Variants in CPNE4 observed in about 807,000 individuals in gnomAD.
CPNE4 encodes copine-4.
CPNE4 carries 25 observed loss-of-function variants against 67.9 expected under a neutral mutation model. That is an observed-to-expected ratio of 0.37 (90% CI 0.27 to 0.51). CPNE4 has a LOEUF of 0.51. CPNE4 is among the 20% of genes least tolerant of loss of function. The pLI is 0.93. For missense variants in CPNE4, 464 were observed against 690.8 expected (o/e 0.67, Z 3.68); for synonymous variants, 242 against 244.9 (o/e 0.99, Z 0.11).
chr3:131,683,096 C>A (rs913005287), intron 6 of CPNE4, among the ~76,000 whole-genome samples: 2 of 152,090 alleles, frequency 1.3e-5, no homozygotes, highest in South Asian at 4.2e-4. Context: ...AGTCTTTAAT[C>A]GGGGACCCCA....
chr3:131,748,255 A>C (rs952816614), intron 2 of CPNE4, among the ~76,000 whole-genome samples: 1 of 152,064 alleles, frequency 6.6e-6, no homozygotes, highest in Non-Finnish European at 1.5e-5. Context: ...ATTTTAAACC[A>C]ATCTTTGGTT....
chr3:131,987,935 G>C (rs935924242), intron 1 of CPNE4, among the ~76,000 whole-genome samples: 8 of 152,158 alleles, frequency 5.3e-5, no homozygotes, highest in African/African-American at 1.9e-4. Flanking sequence ...CAGGGCTGTT[G>C]AATATTAGGT....
At chr3:131,931,559 C>G (rs1409648644) in intron 1 of CPNE4, among the ~76,000 whole-genome samples, 1 of 152,066 alleles carries the variant, frequency 6.6e-6, no homozygotes, top group Non-Finnish European at 1.5e-5. Flanking sequence ...GGTATCCTTA[C>G]CTAATTGCAA....
intron 1 of CPNE4, among the ~76,000 whole-genome samples, chr3:132,032,139 T>C (rs1327326178): frequency 1.3e-5 from 2 of 152,162 alleles, no homozygotes; most frequent in Non-Finnish European, 2.9e-5. Context: ...AAACAGGAAG[T>C]CTTTTAATTT....
chr3:131,860,116 T>C (rs1163280952), intron 2 of CPNE4, among the ~76,000 whole-genome samples: 27 of 152,318 alleles, frequency 1.8e-4, no homozygotes, highest in Non-Finnish European at 7.4e-5. Flanking sequence ...CTTTGGTCTT[T>C]AACTGTCATC....
chr3:131,811,590 G>C (rs1373008337), intron 2 of CPNE4, among the ~76,000 whole-genome samples: 1 of 151,990 alleles, frequency 6.6e-6, no homozygotes, highest in Non-Finnish European at 1.5e-5. Context: ...TTTTCCTTCT[G>C]TCCCAACCCT....
chr3:131,937,591 A>G (rs2071261124), intron 1 of CPNE4, among the ~76,000 whole-genome samples: 1 of 152,180 alleles, frequency 6.6e-6, no homozygotes, highest in Non-Finnish European at 1.5e-5. Context: ...AACTCTTCAA[A>G]TAAGACCAAA....
intron 1 of CPNE4, among the ~76,000 whole-genome samples, chr3:131,944,613 T>A (rs1010495691): frequency 2.6e-5 from 4 of 151,670 alleles, no homozygotes; most frequent in African/African-American, 9.7e-5. Flanking sequence ...TCCCTACAGA[T>A]GACTGCAAAA....
intron 2 of CPNE4, among the ~76,000 whole-genome samples, chr3:131,863,341 C>A (rs1416480978): frequency 1.3e-5 from 2 of 152,058 alleles, no homozygotes; most frequent in Non-Finnish European, 2.9e-5. Flanking sequence ...TAAAAGTGTT[C>A]CTATTTCTCC....
chr3:131,646,189 G>A (rs558777785), intron 7 of CPNE4, among the ~76,000 whole-genome samples: 1 of 152,222 alleles, frequency 6.6e-6, no homozygotes, highest in South Asian at 2.1e-4. Flanking sequence ...AACATACAAT[G>A]TACCAAGAAT....
At chr3:131,592,960 A>G (rs1938626019) in intron 7 of CPNE4, among the ~76,000 whole-genome samples, 4 of 152,060 alleles carry the variant, frequency 2.6e-5, no homozygotes, top group Admixed American at 2.6e-4. Flanking sequence ...TTGTTTTATG[A>G]TTGCCTTGAA....
chr3:131,975,143 G>A (rs911413178), intron 1 of CPNE4, among the ~76,000 whole-genome samples: 1 of 152,122 alleles, frequency 6.6e-6, no homozygotes, highest in Non-Finnish European at 1.5e-5. Flanking sequence ...CAGGGGAGTT[G>A]GCAAAACCTA....
intron 2 of CPNE4, among the ~76,000 whole-genome samples, chr3:131,779,646 A>G (rs2083383827): frequency 6.6e-6 from 1 of 152,150 alleles, no homozygotes; most frequent in African/African-American, 2.4e-5. Context: ...GAAGATTGAA[A>G]CTGGACCCTT....
rs763485599 is a variant in CPNE4 at position 131,905,330 on chromosome 3, T to C, written c.114A>G (p.Arg38=). The change falls in exon 2 of 16, where the codon AGA becomes AGG. Residue 38 remains arginine (R), a synonymous_variant. Coordinates refer to ENST00000429747, the MANE Select transcript of CPNE4 (RefSeq NM_130808.3). ...AGGGGTCTGGTTTGGAAAGGGCATC[T>C]CTGTCAGAAATGCCTTTGCACGCCA... is the stretch of plus-strand genomic sequence containing the variant. ...LRVACKGISD[R]DALSKPDPCV... is the part of the protein sequence containing the mutation. 4 of 1,613,652 alleles carry C rather than the reference T, an allele frequency of 2.5e-6. No individual in the cohort carries two copies. The highest frequency in any genetic ancestry group is 3.4e-6 in the Non-Finnish European group (4 of 1,179,710).
chr3:131,893,837 T>A (rs2088214190), intron 2 of CPNE4, among the ~76,000 whole-genome samples: 1 of 151,876 alleles, frequency 6.6e-6, no homozygotes, highest in Admixed American at 6.6e-5. Context: ...GGGTCATTTA[T>A]GGTAAGAAAC....
intron 2 of CPNE4, among the ~76,000 whole-genome samples, chr3:131,777,734 TA>T (rs1216947441): frequency 6.6e-6 from 1 of 152,094 alleles, no homozygotes; most frequent in Non-Finnish European, 1.5e-5. Context: ...AAAAGAATCT[TA>T]AGCTCCCCAT....
chr3:131,864,665 G>T (rs2086854806), intron 2 of CPNE4, among the ~76,000 whole-genome samples: 1 of 151,980 alleles, frequency 6.6e-6, no homozygotes, highest in African/African-American at 2.4e-5. Flanking sequence ...GGGACAATTT[G>T]ACTTCCTCTT....
At chr3:131,606,980 T>C (rs1939547144) in intron 7 of CPNE4, among the ~76,000 whole-genome samples, 1 of 151,454 alleles carries the variant, frequency 6.6e-6, no homozygotes, top group Non-Finnish European at 1.5e-5. Context: ...TGCTTAGTTA[T>C]CTAGTGTGAG....
intron 1 of CPNE4, among the ~76,000 whole-genome samples, chr3:132,020,920 C>G (rs2073982113): frequency 6.6e-6 from 1 of 152,196 alleles, no homozygotes; most frequent in South Asian, 2.1e-4. Flanking sequence ...TAAGCCAACT[C>G]AAAACAAGCA....
Sources: allele counts gnomAD v4.1 joint callset (sites outside exome capture counted in the v4.1 genomes callset), GRCh38; gene constraint gnomAD v4.1.1; transcripts MANE v1.5; gene names NCBI Gene and HGNC (gene_info 2026-07-23, HGNC 2026-07-21).